The following EPN2 variants were observed in gnomAD, a reference collection of about 807,000 sequenced individuals.
EPN2 encodes the protein epsin 2, also known as epsin-2.
Under a neutral mutation model 61.7 loss-of-function variants are expected in EPN2, and 34 were observed. The observed-to-expected ratio is 0.55, with a 90% CI of 0.42 to 0.73. The LOEUF is 0.73. Among genes scored for constraint, EPN2 ranks in the 30% least tolerant of loss-of-function variants. EPN2 has a pLI of 0.00. For synonymous variants in EPN2, 349 were observed against 353.6 expected, an observed-to-expected ratio of 0.99 and a Z score of 0.15; for missense variants, 714 against 839.2, an observed-to-expected ratio of 0.85 and a Z score of 1.84.
intron 10 of EPN2, among the ~76,000 whole-genome samples, chr17:19,333,141 G>A (rs2152241435): frequency 6.6e-6 from 1 of 152,306 alleles, no homozygotes; most frequent in East Asian, 1.9e-4. Context: ...CAGCCAGCCA[G>A]GAGTCTGTGT....
At chr17:19,242,724 C>T (rs563447635) in intron 1 of EPN2, among the ~76,000 whole-genome samples, 1 of 152,320 alleles carries the variant, frequency 6.6e-6, no homozygotes, top group South Asian at 2.1e-4. Flanking sequence ...TAAAGGGACT[C>T]CCCATCTTCT....
At chr17:19,306,832 G>C (rs1329175732) in intron 4 of EPN2, among the ~76,000 whole-genome samples, 1 of 152,126 alleles carries the variant, frequency 6.6e-6, no homozygotes, top group Non-Finnish European at 1.5e-5. Flanking sequence ...ATTCATTTGT[G>C]GTTTCCATTT....
chr17:19,302,062 T>A (rs917617960), intron 4 of EPN2, among the ~76,000 whole-genome samples: 1 of 152,160 alleles, frequency 6.6e-6, no homozygotes, highest in Non-Finnish European at 1.5e-5. Context: ...TCCTCATCAG[T>A]GGGAAGGGTT....
At chr17:19,332,206 C>T (rs1907191992) in intron 10 of EPN2, 138 bp downstream of exon 10, 2 of 678,070 alleles carry the variant, frequency 2.9e-6, no homozygotes, top group South Asian at 1.8e-5. Context: ...TTACGTATGC[C>T]CTCGCCAGTG....
chr17:19,301,526 G>A (rs1905517929), intron 4 of EPN2, among the ~76,000 whole-genome samples: 1 of 152,134 alleles, frequency 6.6e-6, no homozygotes, highest in African/African-American at 2.4e-5. Context: ...CCCCTTCATA[G>A]CTACTTTTCT....
At chr17:19,289,453 T>C (rs1425022630) in intron 4 of EPN2, among the ~76,000 whole-genome samples, 2 of 152,008 alleles carry the variant, frequency 1.3e-5, no homozygotes, top group South Asian at 2.1e-4. Flanking sequence ...AGAGGGGAGC[T>C]GAGGATGACT....
chr17:19,311,963 A>G, intron 5 of EPN2, 89 bp from the exon 6 acceptor site: 1 of 848,084 alleles, frequency 1.2e-6, no homozygotes, highest in Non-Finnish European at 2.0e-6. Flanking sequence ...ACTGCATCAT[A>G]CAATGTGCAT....
intron 4 of EPN2, among the ~76,000 whole-genome samples, chr17:19,289,724 G>GTTTTGTTTTTTTTTTTTTGTTTTTTTTTT (rs772230550): frequency 6.4e-5 from 5 of 78,028 alleles, no homozygotes; most frequent in Admixed American, 3.7e-4. Context: ...GGCGCTCATG[G>GTTTTGTTTTTTTTTTTTTGTTTTTTTTTT]TTTTTTTTTT....
At chr17:19,284,797 A>G (rs1176686537) in intron 3 of EPN2, among the ~76,000 whole-genome samples, 1 of 152,188 alleles carries the variant, frequency 6.6e-6, no homozygotes, top group Non-Finnish European at 1.5e-5. Context: ...GTTAAATGAG[A>G]GATTTGCATA....
intron 1 of EPN2, among the ~76,000 whole-genome samples, chr17:19,259,717 G>A (rs895190850): frequency 2.6e-5 from 4 of 152,166 alleles, no homozygotes; most frequent in African/African-American, 7.2e-5. Flanking sequence ...GGCCAGGCTT[G>A]CCTAGTTCCA....
intron 7 of EPN2, among the ~76,000 whole-genome samples, chr17:19,328,139 T>C (rs558560003): frequency 6.6e-6 from 1 of 152,228 alleles, no homozygotes; most frequent in Non-Finnish European, 1.5e-5. Context: ...TGAAAGTGTT[T>C]TATTGCTTAA....
intron 1 of EPN2, among the ~76,000 whole-genome samples, chr17:19,277,400 CAA>C (rs58679739): frequency 0.015 from 1,100 of 75,474 alleles, 11 homozygotes; most frequent in African/African-American, 0.048. Flanking sequence ...GACTCTGTCT[CAA>C]AAAAAAAAAA....
chr17:19,279,276 C>G (rs545740085), intron 1 of EPN2, among the ~76,000 whole-genome samples: 40 of 152,174 alleles, frequency 2.6e-4, no homozygotes, highest in Admixed American at 2.0e-3. Context: ...TCTTTGCTGC[C>G]AAAGGTCTAG....
intron 7 of EPN2, among the ~76,000 whole-genome samples, chr17:19,314,411 GC>G (rs1567865458): frequency 1.3e-5 from 2 of 152,312 alleles, no homozygotes; most frequent in Non-Finnish European, 2.9e-5. Context: ...GGAGTTCCCT[GC>G]AGAAGACTCA....
intron 1 of EPN2, among the ~76,000 whole-genome samples, chr17:19,258,465 A>G (rs2045105676): frequency 6.6e-6 from 1 of 152,042 alleles, no homozygotes; most frequent in Non-Finnish European, 1.5e-5. Context: ...TTCTAAGCAT[A>G]TTCTTCTCCG....
rs542636210 is a variant in EPN2, at chr17:19,277,191, A to G, written c.-293-4764A>G. ...CGAGGCGGGTGGATCACTTGAGGTC[A>G]GGAGTCCGAGACCAGCCTGGCCAAA... On this transcript the variant is annotated intron_variant, in intron 1 of 10. Coordinates refer to ENST00000314728, the MANE Select transcript of EPN2 (RefSeq NM_014964.5). 9.9e-5 allele frequency among the ~76,000 whole-genome samples: 15 copies of G among 152,204 alleles called. No individual in the cohort carries two copies. The East Asian group carries it at 2.1e-3, about 22-fold the overall frequency.
rs1006953081 is a variant in EPN2, at chr17:19,283,052, C to T, written c.-68C>T. ...ACGGAGACTGAACCTTCATAGGGTG[C>T]GCACTTACCAAGGACAGGAAGGTTT... On this transcript the variant is annotated 5_prime_UTR_variant, in exon 3 of 11. Transcript: ENST00000314728. The surrounding 1 kb of genome is among the most constrained non-coding windows in gnomAD (Gnocchi z 7.0). 1.3e-5 allele frequency: 15 copies of T among 1,128,216 alleles called. No individual in the cohort carries two copies. Among genetic ancestry groups the T allele is most frequent in the South Asian group, 4.5e-5 (3 of 66,564 alleles). 69.9% of individuals were successfully genotyped at this position (1,128,216 alleles called of 1,614,324 possible).
chr17:19,270,205 C>G (rs2045239651), intron 1 of EPN2, among the ~76,000 whole-genome samples: 1 of 152,184 alleles, frequency 6.6e-6, no homozygotes, highest in Admixed American at 6.5e-5. Context: ...CACATGTGAC[C>G]TGCTCAGTTA....
At chr17:19,310,138 C>T (rs1003849830) in intron 5 of EPN2, 141 bp downstream of exon 5, 8 of 657,362 alleles carry the variant, frequency 1.2e-5, no homozygotes, top group Admixed American at 6.5e-5. Flanking sequence ...TTCATGCTGC[C>T]GTAAGTGTGT....
Sources: allele counts gnomAD v4.1 joint callset (sites outside exome capture counted in the v4.1 genomes callset), GRCh38; gene constraint gnomAD v4.1.1; non-coding constraint Gnocchi (gnomAD v3.1); transcripts MANE v1.5; gene names NCBI Gene and HGNC (gene_info 2026-07-23, HGNC 2026-07-21).